Variants in PIGG observed in about 807,000 individuals in gnomAD.
The protein encoded by PIGG is GPI ethanolamine phosphate transferase 2, catalytic subunit.
Under a neutral mutation model 83.2 loss-of-function variants are expected in PIGG, and 70 were observed. The observed-to-expected ratio is 0.84, with a 90% confidence interval of 0.69 to 1.03. PIGG has a LOEUF of 1.03. PIGG is among the 50% of genes least tolerant of loss of function. The probability of loss-of-function intolerance (pLI) is 0.00; values close to 1 mark genes in which losing one functional copy is unlikely to be tolerated. For synonymous variants in PIGG, 532 were observed against 519.5 expected (o/e 1.02, Z -0.33); for missense variants, 1,257 against 1,233.6 (o/e 1.02, Z -0.28).
intron 7 of PIGG, 65 bp downstream of exon 7, chr4:521,338 A>G (rs1271546259): frequency 7.2e-6 from 7 of 973,066 alleles, no homozygotes; most frequent in South Asian, 6.2e-5. Context: ...CCAAATATTT[A>G]TAGTTTTAAA....
intron 2 of PIGG, among the ~76,000 whole-genome samples, chr4:504,184 CTT>C (rs1215216884): frequency 1.3e-5 from 2 of 152,246 alleles, no homozygotes; most frequent in East Asian, 3.9e-4. Flanking sequence ...TGACTTAGGT[CTT>C]TTGGTTCTTT....
intron 12 of PIGG, among the ~76,000 whole-genome samples, chr4:534,442 G>C (rs533475695): frequency 6.6e-6 from 1 of 152,350 alleles, no homozygotes; most frequent in Admixed American, 6.5e-5. Context: ...TCCTGGCCAG[G>C]GCCGTGGCTC....
intron 12 of PIGG, chr4:536,440 C>T (rs965988010): frequency 1.3e-5 from 2 of 152,292 alleles, no homozygotes; most frequent in African/African-American, 4.8e-5. Flanking sequence ...AGCTTGTCAT[C>T]ACAGCAGAAA....
chr4:527,356 T>C (rs973929055), intron 10 of PIGG, 126 bp downstream of exon 10: 209 of 1,407,608 alleles, frequency 1.5e-4, no homozygotes, highest in Non-Finnish European at 1.8e-4. Context: ...CTTCAGAGCA[T>C]TGGAGTTTGG....
At chr4:499,839 C>A in intron 1 of PIGG, 1 of 616,756 alleles carries the variant, frequency 1.6e-6, no homozygotes, top group Non-Finnish European at 2.2e-6. Context: ...CCTTTTTGCC[C>A]CCTAGCACAC....
chr4:507,504 A>G lies in PIGG; in HGVS notation c.670A>G (p.Ile224Val), dbSNP rs1553880259. 1.2e-6 allele frequency: 2 copies of G among 1,614,150 alleles called. No individual in the cohort carries two copies. Among genetic ancestry groups the G allele is most frequent in the Admixed American group, 1.7e-5 (1 of 60,032 alleles). Residue 224 changes from isoleucine (I) to valine (V), a missense_variant, in exon 4 of 13, where the codon ATT becomes GTT. Physicochemically the swap from Ile to Val is conservative, Grantham distance 29. Coordinates refer to ENST00000453061, the MANE Select transcript of PIGG (RefSeq NM_001127178.3). ...CCTGGGGCTGGACCACATTGGCCACATTTCAGGGCCCAACAGCCCCCTGAT... is the reference window on the plus strand; with the variant it reads ...CCTGGGGCTGGACCACATTGGCCACGTTTCAGGGCCCAACAGCCCCCTGAT... ...HYLGLDHIGH[I>V]SGPNSPLIGQ...
At chr4:538,997 G>A (rs1227146315) in intron 12 of PIGG, among the ~76,000 whole-genome samples, 156 bp from the exon 13 acceptor site, 1 of 152,240 alleles carries the variant, frequency 6.6e-6, no homozygotes, top group East Asian at 1.9e-4. Flanking sequence ...ACCTGTCCCA[G>A]CACCATAGTG....
At chr4:537,882 G>A (rs1731052772) in intron 12 of PIGG, among the ~76,000 whole-genome samples, 1 of 152,218 alleles carries the variant, frequency 6.6e-6, no homozygotes, top group South Asian at 2.1e-4. Context: ...ACCCTTTCCT[G>A]AGCAGTGAGC....
rs1326450849 is a variant in PIGG at position 527,114 on chromosome 4, G to A, written c.2145G>A (p.Gly715=). The A allele has an allele frequency of 2.5e-6, 4 of 1,614,046 alleles. No homozygotes were observed. The Admixed American group carries it at 5.0e-5, about 20-fold the overall frequency. The change falls in exon 10 of 13, where the codon GGG becomes GGA. Residue 715 remains glycine (G), a synonymous_variant. Transcript: ENST00000453061. ...LLVVFVLVQR[G]CSPVSKAALA... ...TAGTTTTTGTGCTGGTGCAGAGGGG[G>A]TGCTCCCCTGTGTCCAAGGCTGCCC...
In PIGG at chr4:521,766, T is replaced by C; in HGVS notation, c.1439T>C (p.Ile480Thr). 3.1e-6 allele frequency: 5 copies of C among 1,614,204 alleles called. No homozygotes were observed. Among genetic ancestry groups the C allele is most frequent in the Non-Finnish European group, 3.4e-6 (4 of 1,180,030 alleles). Residue 480 changes from isoleucine (I) to threonine (T), a missense_variant, in exon 8 of 13, where the codon ATC becomes ACC. Ile to Thr is a moderately conservative substitution (Grantham distance 89). Transcript: ENST00000453061. ...PGFSLLFYLV[I>T]LVLSAVHVIV... ...TTTTCTCTGCTCTTTTATTTGGTGA[T>C]CCTGGTTCTTTCGGCCGTTCACGTC...
intron 8 of PIGG, chr4:522,404 T>TG: frequency 4.0e-6 from 1 of 248,260 alleles, no homozygotes; most frequent in African/African-American, 2.3e-5. Flanking sequence ...GCATCCTGCC[T>TG]CATCAGGTCC....
intron 5 of PIGG, among the ~76,000 whole-genome samples, chr4:511,264 G>C (rs1240643146): frequency 6.9e-6 from 1 of 144,696 alleles, no homozygotes; most frequent in African/African-American, 2.6e-5. Flanking sequence ...TTGCACTCCA[G>C]CCTGGGCAAC....
chr4:517,159 G>T (rs556394862), intron 6 of PIGG, among the ~76,000 whole-genome samples: 1 of 152,168 alleles, frequency 6.6e-6, no homozygotes, highest in Non-Finnish European at 1.5e-5. Context: ...GTGAGAGCCA[G>T]AGTCTCCCAC....
chr4:537,988 T>C (rs1418609868), intron 12 of PIGG, among the ~76,000 whole-genome samples: 21 of 146,474 alleles, frequency 1.4e-4, no homozygotes, highest in African/African-American at 4.9e-4. Flanking sequence ...GACATGCATG[T>C]GGGGCCCAGA....
In PIGG at chr4:533,962, C is replaced by T. The variant is rs1729729891; in HGVS notation, c.2716C>T (p.Leu906=). The T allele has an allele frequency of 1.9e-6, 3 of 1,614,174 alleles. No homozygotes were observed. Among genetic ancestry groups the T allele is most frequent in the African/African-American group, 1.3e-5 (1 of 75,074 alleles). ...GTGGGCCAGCCACTTAGTGCACTTC[C>T]TGAGCTCAGAAACACGCAGGTGAGG... ...VLWASHLVHF[L]SSETRSGSAL... is the part of the protein sequence containing the mutation. Residue 906 remains leucine, a synonymous_variant, in exon 12 of 13, where the codon CTG becomes TTG. Coordinates refer to ENST00000453061, the MANE Select transcript of PIGG (RefSeq NM_001127178.3).
chr4:535,638 C>CT (rs1426296178), intron 12 of PIGG, among the ~76,000 whole-genome samples: 1 of 152,186 alleles, frequency 6.6e-6, no homozygotes. Flanking sequence ...CCTCCCATGA[C>CT]TGAACCGTCG....
In PIGG at chr4:527,088, G is replaced by A. The variant is rs574857300; in HGVS notation, c.2119G>A (p.Val707Ile). 7.1e-5 allele frequency: 115 copies of A among 1,614,004 alleles called. No homozygotes were observed. Among genetic ancestry groups the A allele is most frequent in the East Asian group, 4.5e-4 (20 of 44,884 alleles). ...LSVLAALSLL[V>I]VFVLVQRGCS... ...TGTCCTGGCTGCCCTCTCCCTCCTC[G>A]TAGTTTTTGTGCTGGTGCAGAGGGG... The change falls in exon 10 of 13, where the codon GTA (valine) becomes ATA (isoleucine). Residue 707 changes from valine (V) to isoleucine (I), a missense_variant. Transcript: ENST00000453061.
Position 528,911 on chromosome 4 carries a change from C to T in PIGG, c.2262-1525C>T, listed in dbSNP as rs1006146965. 6.6e-6 allele frequency among the ~76,000 whole-genome samples: 1 copy of T among 152,126 alleles called. No homozygotes were observed. Among genetic ancestry groups the T allele is most frequent in the Non-Finnish European group, 1.5e-5 (1 of 68,024 alleles). On this transcript the variant is annotated intron_variant, in intron 10 of 12. Coordinates refer to ENST00000453061, the MANE Select transcript of PIGG (RefSeq NM_001127178.3). The surrounding 1 kb of genome is among the most constrained non-coding windows in gnomAD (Gnocchi z 4.8). The stretch of plus-strand genomic sequence containing the variant: ...GTCCTTTGTCCCCATCTGTCCCGAT[C>T]GTAAATAGGTCCTGGCTACAGAGGC...
At chr4:522,386 C>T in intron 8 of PIGG, 1 of 280,578 alleles carries the variant, frequency 3.6e-6, no homozygotes, top group Non-Finnish European at 6.8e-6. Flanking sequence ...TCCTGCCACC[C>T]CCAGAATGCA....
Sources: gnomAD v4.1 joint callset for allele counts (sites outside exome capture counted in the v4.1 genomes callset) on GRCh38, gnomAD v4.1.1 for gene constraint, Gnocchi (gnomAD v3.1) non-coding constraint, MANE v1.5 for transcripts, NCBI Gene and HGNC (gene_info 2026-07-23, HGNC 2026-07-21) for gene names.